The following HNRNPC variants were observed in gnomAD, a reference collection of about 807,000 sequenced individuals.
HNRNPC encodes heterogeneous nuclear ribonucleoprotein C.
A neutral mutation model predicts 33.2 loss-of-function variants in HNRNPC; 3 were observed. The observed-to-expected ratio is 0.09, with a 90% confidence interval of 0.04 to 0.23. The LOEUF (loss-of-function observed/expected upper bound fraction) is 0.23, where lower values mean the gene tolerates loss of function less well. HNRNPC is among the 10% of genes least tolerant of loss of function. The pLI, the probability that HNRNPC is intolerant of heterozygous loss-of-function variation, is 1.00. For missense variants in HNRNPC, 143 were observed against 366.7 expected, an observed-to-expected ratio of 0.39 and a Z score of 4.98; for synonymous variants, 121 against 126.7, an observed-to-expected ratio of 0.96 and a Z score of 0.30.
At chr14:21,257,329 A>G (rs1877393421) in intron 2 of HNRNPC, among the ~76,000 whole-genome samples, 2 of 152,166 alleles carry the variant, frequency 1.3e-5, no homozygotes. Context: ...GCACTCCAAC[A>G]GAAAGAAGTT....
chr14:21,256,620 G>C (rs1055589796), intron 2 of HNRNPC, among the ~76,000 whole-genome samples: 3 of 152,110 alleles, frequency 2.0e-5, no homozygotes, highest in African/African-American at 7.2e-5. Flanking sequence ...AGTATGAGTA[G>C]TGGTATATTT....
intron 2 of HNRNPC, among the ~76,000 whole-genome samples, chr14:21,255,455 T>C (rs532799114): frequency 2.6e-5 from 4 of 152,252 alleles, no homozygotes; most frequent in Non-Finnish European, 5.9e-5. Flanking sequence ...CTCCCAAATG[T>C]TGATACAGGC....
intron 2 of HNRNPC, among the ~76,000 whole-genome samples, chr14:21,239,267 CAGAACGAGACAGTATCCTAG>C (rs1294690779): frequency 1.3e-5 from 2 of 151,736 alleles, no homozygotes. Flanking sequence ...ATCATGAGGT[CAGAACGAGACAGTATCCTAG>C]CTAACATGGT....
At chr14:21,214,972 G>GT (rs1892004430) in intron 5 of HNRNPC, among the ~76,000 whole-genome samples, 1 of 152,100 alleles carries the variant, frequency 6.6e-6, no homozygotes, top group Non-Finnish European at 1.5e-5. Flanking sequence ...ACCGGCACCC[G>GT]TATCTAAACC....
At chr14:21,238,768 G>A (rs546083286) in intron 2 of HNRNPC, among the ~76,000 whole-genome samples, 1 of 152,030 alleles carries the variant, frequency 6.6e-6, no homozygotes, top group African/African-American at 2.4e-5. Flanking sequence ...TTACTAGTAT[G>A]TAATAGTCGA....
chr14:21,251,215 C>G (rs1460446573), intron 2 of HNRNPC, among the ~76,000 whole-genome samples: 2 of 137,792 alleles, frequency 1.5e-5, no homozygotes, highest in African/African-American at 5.6e-5. Context: ...GAGCCGAGAT[C>G]GCACCACTGC....
intron 2 of HNRNPC, among the ~76,000 whole-genome samples, chr14:21,253,832 A>G (rs1212709583): frequency 6.6e-6 from 1 of 151,914 alleles, no homozygotes; most frequent in Non-Finnish European, 1.5e-5. Context: ...TTGGGAGGCT[A>G]AGGCGGGCAG....
intron 2 of HNRNPC, among the ~76,000 whole-genome samples, chr14:21,249,593 CAA>C (rs756880620): frequency 0.071 from 5,963 of 83,450 alleles, 131 homozygotes; most frequent in South Asian, 0.11. Flanking sequence ...GTCTCAAAAA[CAA>C]AAAAAAAAAA....
Position 21,211,616 on chromosome 14 carries a change from C to T in HNRNPC, c.638-50G>A, listed in dbSNP as rs10145423. ...TCTAGGGGCAGTAATGTCCACAGGA[C>T]GTAGACAATCCCCACTAAGGATCAC... On this transcript the variant is annotated intron_variant, in intron 7 of 8. Coordinates refer to ENST00000553300, the MANE Select transcript of HNRNPC (RefSeq NM_004500.4). 9.6e-3 allele frequency: 15,020 copies of T among 1,562,058 alleles called. 223 individuals carry two copies. The highest frequency in any genetic ancestry group is 0.063 in the African/African-American group (4,631 of 73,756).
chr14:21,233,735 G>A (rs943457356), intron 3 of HNRNPC, among the ~76,000 whole-genome samples: 1 of 152,156 alleles, frequency 6.6e-6, no homozygotes, highest in Non-Finnish European at 1.5e-5. Flanking sequence ...CACGATTGTA[G>A]TAGAGTTGTC....
Position 21,226,914 on chromosome 14 carries a change from A to AT in HNRNPC, c.365+3404dup, listed in dbSNP as rs1271781890. Among the ~76,000 whole-genome samples the AT allele has an allele frequency of 5.8e-5, 8 of 138,154 alleles. 1 individual carries two copies. The highest frequency in any genetic ancestry group is 1.9e-4 in the African/African-American group (7 of 37,484). The allele number at this position is 138,154 out of a possible 152,430, so 90.6% of individuals were successfully genotyped here. ...AAAAAAAGGGGGGGGGGGGACAGTG[A>AT]TTTTTACTCCGATTTACATATGAAG... On this transcript the variant is annotated intron_variant, in intron 5 of 8. Coordinates refer to ENST00000553300, the MANE Select transcript of HNRNPC (RefSeq NM_004500.4).
At chr14:21,253,848 G>T (rs1039657493) in intron 2 of HNRNPC, among the ~76,000 whole-genome samples, 6 of 151,890 alleles carry the variant, frequency 4.0e-5, no homozygotes, top group Non-Finnish European at 8.8e-5. Context: ...GGCAGATCAC[G>T]AGGTCAGCAA....
intron 2 of HNRNPC, among the ~76,000 whole-genome samples, chr14:21,261,179 T>C (rs1216703148): frequency 1.3e-5 from 2 of 152,142 alleles, no homozygotes; most frequent in Non-Finnish European, 2.9e-5. Context: ...CCTCTCATCA[T>C]ATATGGACAT....
At chr14:21,232,917 G>A (rs1196574851) in intron 3 of HNRNPC, among the ~76,000 whole-genome samples, 2 of 151,958 alleles carry the variant, frequency 1.3e-5, no homozygotes, top group Non-Finnish European at 2.9e-5. Flanking sequence ...CATGCCTGTA[G>A]TACCAGCTAC....
At chr14:21,265,467 G>A (rs924738927) in intron 1 of HNRNPC, 4 of 152,196 alleles carry the variant, frequency 2.6e-5, no homozygotes, top group Non-Finnish European at 4.4e-5. Flanking sequence ...TTAAACTGAA[G>A]AGCTACCACT....
chr14:21,235,222 T>C (rs1894560857), intron 2 of HNRNPC, among the ~76,000 whole-genome samples: 1 of 152,144 alleles, frequency 6.6e-6, no homozygotes, highest in African/African-American at 2.4e-5. Flanking sequence ...CAACCCCCAA[T>C]CTTGAACAAG....
At chr14:21,222,916 A>G (rs918699318) in intron 5 of HNRNPC, among the ~76,000 whole-genome samples, 1 of 148,176 alleles carries the variant, frequency 6.7e-6, no homozygotes, top group Non-Finnish European at 1.5e-5. Context: ...AAACAAAAAC[A>G]CCAGCTGGGC....
In HNRNPC at chr14:21,242,119, G is replaced by A. The variant is rs1484812056; in HGVS notation, c.-36-7890C>T. 2.0e-5 allele frequency among the ~76,000 whole-genome samples: 3 copies of A among 151,718 alleles called. No homozygotes were observed. The East Asian group carries it at 5.8e-4, about 29-fold the overall frequency. ...AATGAAATAAAACAACTCTCAAAAG[G>A]AAGAGTAACAAAATTTAAAAATGGC... On this transcript the variant is annotated intron_variant, in intron 2 of 8. Transcript: ENST00000553300.
intron 2 of HNRNPC, among the ~76,000 whole-genome samples, chr14:21,240,302 T>C (rs989701060): frequency 5.3e-5 from 8 of 152,208 alleles, no homozygotes; most frequent in African/African-American, 1.9e-4. Flanking sequence ...TAAATTTTAT[T>C]TCCAACTGTT....
Sources: allele counts gnomAD v4.1 joint callset (sites outside exome capture counted in the v4.1 genomes callset), GRCh38; gene constraint gnomAD v4.1.1; transcripts MANE v1.5; gene names NCBI Gene and HGNC (gene_info 2026-07-23, HGNC 2026-07-21).